SLC12A8: variants seen among roughly 807,000 people sequenced by gnomAD.
SLC12A8 encodes cation-chloride cotransporter 9.
Under a neutral mutation model 75.6 loss-of-function variants are expected in SLC12A8, and 69 were observed. That is an observed-to-expected ratio of 0.91 (90% CI 0.75 to 1.11). The LOEUF (loss-of-function observed/expected upper bound fraction) is 1.11. Among genes scored for constraint, SLC12A8 ranks in the 50% most tolerant of loss-of-function variants. The probability of loss-of-function intolerance (pLI) is 0.00; values close to 1 mark genes in which losing one functional copy is unlikely to be tolerated. For missense variants in SLC12A8, 877 were observed against 896.7 expected (o/e 0.98, Z 0.28); for synonymous variants, 365 against 372.8 (o/e 0.98, Z 0.24).
chr3:125,168,257 G>A (rs1579519354), intron 5 of SLC12A8, among the ~76,000 whole-genome samples: 1 of 152,344 alleles, frequency 6.6e-6, no homozygotes, highest in South Asian at 2.1e-4. Context: ...TGGGGAAATG[G>A]TGATAGGCAT....
chr3:125,131,930 C>T (rs1432095747), intron 6 of SLC12A8, among the ~76,000 whole-genome samples: 4 of 152,050 alleles, frequency 2.6e-5, no homozygotes, highest in Non-Finnish European at 4.4e-5. Context: ...GGTGGGGAGC[C>T]GGTAAGACCC....
intron 6 of SLC12A8, chr3:125,120,936 A>G: frequency 1.5e-6 from 1 of 688,612 alleles, no homozygotes; most frequent in Admixed American, 2.2e-5. Flanking sequence ...CTCCAAAAGC[A>G]TCCTACCGCT....
At chr3:125,151,665 G>T (rs796415369) in intron 5 of SLC12A8, 2 of 152,244 alleles carry the variant, frequency 1.3e-5, no homozygotes, top group Admixed American at 1.3e-4. Flanking sequence ...CAGATCCTCC[G>T]CCCAGGGAGG....
chr3:125,209,562 C>A (rs1036767025), intron 2 of SLC12A8, among the ~76,000 whole-genome samples: 2 of 152,156 alleles, frequency 1.3e-5, no homozygotes, highest in Non-Finnish European at 2.9e-5. Flanking sequence ...TCAGTAGAAC[C>A]AACACTGATG....
At chr3:125,141,595 T>C (rs1044532724) in intron 5 of SLC12A8, among the ~76,000 whole-genome samples, 21 of 152,160 alleles carry the variant, frequency 1.4e-4, no homozygotes, top group Non-Finnish European at 3.1e-4. Context: ...CGGGAAGTCA[T>C]ACCCCTCCCT....
intron 9 of SLC12A8, 142 bp downstream of exon 9, chr3:125,110,047 A>T: frequency 3.4e-6 from 3 of 895,240 alleles, no homozygotes; most frequent in Non-Finnish European, 5.1e-6. Context: ...GAAAGAAATG[A>T]CCTCTGCATT....
At chr3:125,187,179 G>A in intron 4 of SLC12A8, 58 bp downstream of exon 4, 2 of 1,564,398 alleles carry the variant, frequency 1.3e-6, no homozygotes, top group Non-Finnish European at 1.8e-6. Context: ...TGAGGAAATG[G>A]ACAAGAAGAA....
At chr3:125,096,278 C>T (rs1442834123) in intron 10 of SLC12A8, among the ~76,000 whole-genome samples, 8 of 152,220 alleles carry the variant, frequency 5.3e-5, no homozygotes, top group Non-Finnish European at 1.0e-4. Flanking sequence ...TGAAACAGTG[C>T]ATCTTCCTCC....
intron 5 of SLC12A8, among the ~76,000 whole-genome samples, chr3:125,161,353 C>T (rs570449127): frequency 6.6e-6 from 1 of 152,212 alleles, no homozygotes; most frequent in Non-Finnish European, 1.5e-5. Flanking sequence ...ATTCCTATTT[C>T]CCTAAATTTG....
At chr3:125,124,506 T>C (rs1297442369) in intron 6 of SLC12A8, among the ~76,000 whole-genome samples, 1 of 152,200 alleles carries the variant, frequency 6.6e-6, no homozygotes, top group East Asian at 1.9e-4. Flanking sequence ...TTTGTATTTT[T>C]AGTAGAGATG....
At chr3:125,206,342 G>A (rs529124716) in intron 2 of SLC12A8, among the ~76,000 whole-genome samples, 11 of 152,262 alleles carry the variant, frequency 7.2e-5, no homozygotes, top group Admixed American at 6.5e-4. Flanking sequence ...ACCTTGCTCT[G>A]GGCAAGTCAC....
rs559830019 is a variant in SLC12A8 at position 125,115,460 on chromosome 3, T to G, written c.912+3309A>C. 2.0e-5 allele frequency among the ~76,000 whole-genome samples: 3 copies of G among 149,726 alleles called. No homozygotes were observed. In the South Asian group the frequency reaches 6.4e-4, roughly 32 times the overall value. ...ATCACTTGAACCTGGGAGGTGGAGGTTGCAGTGAGCTGAGATCATGCCATT... is the reference window on the plus strand; with the variant it reads ...ATCACTTGAACCTGGGAGGTGGAGGGTGCAGTGAGCTGAGATCATGCCATT... On this transcript the variant is annotated intron_variant, in intron 8 of 13. Transcript: ENST00000469902.
intron 5 of SLC12A8, among the ~76,000 whole-genome samples, chr3:125,165,670 C>T (rs1934269842): frequency 6.6e-6 from 1 of 152,218 alleles, no homozygotes; most frequent in South Asian, 2.1e-4. Context: ...CCTCACCCGT[C>T]CGGGCAGAAA....
chr3:125,161,595 C>T (rs143913568), intron 5 of SLC12A8, among the ~76,000 whole-genome samples: 2,752 of 152,170 alleles, frequency 0.018, 43 homozygotes, highest in Middle Eastern at 0.065. Flanking sequence ...GACTCTTCGT[C>T]CCAGCTATCT....
intron 10 of SLC12A8, among the ~76,000 whole-genome samples, chr3:125,098,003 G>C (rs1419271605): frequency 6.6e-6 from 1 of 151,972 alleles, no homozygotes; most frequent in Non-Finnish European, 1.5e-5. Flanking sequence ...TTAAAATCTA[G>C]TGATATGTCT....
intron 10 of SLC12A8, among the ~76,000 whole-genome samples, chr3:125,096,123 C>T (rs1938705491): frequency 1.3e-5 from 2 of 152,156 alleles, no homozygotes; most frequent in Admixed American, 6.5e-5. Flanking sequence ...AGTTGCCAGT[C>T]CAGTTCCCAC....
In SLC12A8 at chr3:125,127,847, A is replaced by C. The variant is rs375492701; in HGVS notation, c.737-7161T>G. 5.3e-5 allele frequency among the ~76,000 whole-genome samples: 8 copies of C among 152,334 alleles called. No homozygotes were observed. The East Asian group carries it at 1.3e-3, about 26-fold the overall frequency. On this transcript the variant is annotated intron_variant, in intron 6 of 13. Coordinates refer to ENST00000469902, the MANE Select transcript of SLC12A8 (RefSeq NM_024628.6). ...ACAATTATAAATTAATTCCATAAAT[A>C]AAATTACAAAAAATAGACATGTATA...
chr3:125,202,279 T>C (rs1935136945), intron 2 of SLC12A8, among the ~76,000 whole-genome samples: 2 of 152,238 alleles, frequency 1.3e-5, no homozygotes. Context: ...CTATCTAATG[T>C]TTTAACTGTT....
intron 5 of SLC12A8, among the ~76,000 whole-genome samples, chr3:125,169,445 G>A (rs1474304939): frequency 1.3e-5 from 2 of 152,090 alleles, no homozygotes; most frequent in African/African-American, 2.4e-5. Context: ...ACGATGAGAA[G>A]GACCCACTGT....
Sources: gnomAD v4.1 joint callset for allele counts (sites outside exome capture counted in the v4.1 genomes callset) on GRCh38, gnomAD v4.1.1 for gene constraint, MANE v1.5 for transcripts, NCBI Gene and HGNC (gene_info 2026-07-23, HGNC 2026-07-21) for gene names.